The following SLC25A28 variants were observed in gnomAD, a reference collection of about 807,000 sequenced individuals.
The protein encoded by SLC25A28 is solute carrier family 25 member 28.
In SLC25A28, 10 loss-of-function variants were observed where a neutral mutation model predicts 31.9. That is an observed-to-expected ratio of 0.31 (90% CI 0.19 to 0.53). The LOEUF is 0.53. Ranked by LOEUF, SLC25A28 falls within the 20% of genes least tolerant of loss-of-function variation. The pLI, the probability that SLC25A28 is intolerant of heterozygous loss-of-function variation, is 0.95. For missense variants in SLC25A28, 256 were observed against 490.3 expected, an observed-to-expected ratio of 0.52 and a Z score of 4.51; for synonymous variants, 208 against 203.6, an observed-to-expected ratio of 1.02 and a Z score of -0.19.
At chr10:99,639,722 TACACAC>T in the SLC25A28 span, among the ~76,000 whole-genome samples, 52 of 131,128 alleles carry the variant, frequency 4.0e-4, no homozygotes, top group African/African-American at 1.2e-3. Context: ...GCACCATGGG[TACACAC>T]ACACACACAC....
chr10:99,627,250 A>T, the SLC25A28 span, among the ~76,000 whole-genome samples: 93 of 151,296 alleles, frequency 6.1e-4, no homozygotes, highest in South Asian at 1.5e-3. Context: ...AAATAAAAAT[A>T]AAAAAAAAGT....
intron 1 of SLC25A28, chr10:99,618,166 C>A (rs907489075): frequency 7.0e-6 from 5 of 717,276 alleles, no homozygotes; most frequent in African/African-American, 3.9e-5. Context: ...AGGACATGCA[C>A]CCAAATATTC....
chr10:99,629,573 A>G, the SLC25A28 span, among the ~76,000 whole-genome samples: 7 of 152,256 alleles, frequency 4.6e-5, no homozygotes, highest in African/African-American at 1.7e-4. Flanking sequence ...ACATGCAATG[A>G]ATATAATTCA....
chr10:99,631,965 C>T, the SLC25A28 span, among the ~76,000 whole-genome samples: 5 of 124,692 alleles, frequency 4.0e-5, no homozygotes, highest in East Asian at 2.4e-4. Flanking sequence ...GGCGCAATCT[C>T]GGCTCACTGC....
chr10:99,640,710 C>A, the SLC25A28 span, among the ~76,000 whole-genome samples: 2 of 150,338 alleles, frequency 1.3e-5, no homozygotes, highest in South Asian at 2.1e-4. Flanking sequence ...TGCTATCCCT[C>A]CCCGCTCCCG....
the SLC25A28 span, among the ~76,000 whole-genome samples, chr10:99,635,144 GA>G: frequency 1.3e-5 from 2 of 152,140 alleles, no homozygotes; most frequent in African/African-American, 4.8e-5. Context: ...CTGCTAAACA[GA>G]GTTCTAAATC....
At chr10:99,617,443 G>A (rs1270092444) in intron 1 of SLC25A28, 1 of 985,298 alleles carries the variant, frequency 1.0e-6, no homozygotes, top group African/African-American at 1.7e-5. Context: ...CATTGTGGTT[G>A]CCCTTTAGGC....
chr10:99,657,578 G>A, the SLC25A28 span, among the ~76,000 whole-genome samples: 2 of 151,990 alleles, frequency 1.3e-5, no homozygotes, highest in African/African-American at 4.8e-5. Context: ...GAGTAGTGGA[G>A]CCAAAAAAAC....
chr10:99,630,297 T>G, the SLC25A28 span, among the ~76,000 whole-genome samples: 1 of 151,918 alleles, frequency 6.6e-6, no homozygotes, highest in African/African-American at 2.4e-5. Context: ...CCCGGCAAAT[T>G]TTTTAAAAAT....
chr10:99,654,384 T>G, the SLC25A28 span, among the ~76,000 whole-genome samples: 1 of 152,184 alleles, frequency 6.6e-6, no homozygotes, highest in Non-Finnish European at 1.5e-5. Context: ...TTCTATTCTG[T>G]TATCCCCAGT....
chr10:99,656,919 A>G, the SLC25A28 span, among the ~76,000 whole-genome samples: 10 of 152,370 alleles, frequency 6.6e-5, no homozygotes, highest in Admixed American at 1.3e-4. Flanking sequence ...TGTTAACCAG[A>G]TAAGCATTGC....
the SLC25A28 span, among the ~76,000 whole-genome samples, chr10:99,631,216 T>C: frequency 1.3e-5 from 2 of 152,196 alleles, no homozygotes; most frequent in African/African-American, 4.8e-5. Context: ...GAATTCTAAG[T>C]TGAAGTTGGG....
chr10:99,641,727 T>C, the SLC25A28 span, among the ~76,000 whole-genome samples: 1 of 152,362 alleles, frequency 6.6e-6, no homozygotes, highest in East Asian at 1.9e-4. Context: ...TTAATCCATA[T>C]TGAATTAATT....
the SLC25A28 span, among the ~76,000 whole-genome samples, chr10:99,628,101 G>C: frequency 6.6e-6 from 1 of 152,186 alleles, no homozygotes; most frequent in African/African-American, 2.4e-5. Flanking sequence ...AATATTAAAG[G>C]TGAGAGAGCC....
the SLC25A28 span, among the ~76,000 whole-genome samples, chr10:99,625,762 G>A: frequency 6.6e-6 from 1 of 152,218 alleles, no homozygotes; most frequent in African/African-American, 2.4e-5. Flanking sequence ...ACCTTTAAAA[G>A]AAAAGGATAT....
the SLC25A28 span, among the ~76,000 whole-genome samples, chr10:99,648,231 C>A: frequency 6.6e-6 from 1 of 151,630 alleles, no homozygotes; most frequent in Non-Finnish European, 1.5e-5. Flanking sequence ...AACTTCTGGC[C>A]TCAAGTAATC....
At chr10:99,646,177 G>A in the SLC25A28 span, among the ~76,000 whole-genome samples, 1 of 152,226 alleles carries the variant, frequency 6.6e-6, no homozygotes, top group Non-Finnish European at 1.5e-5. Context: ...ACAGAGGCAG[G>A]AAGGCCTCCT....
rs2133334014 is a variant in SLC25A28 at position 99,611,740 on chromosome 10, AC to A, written c.578-375del. Among the ~76,000 whole-genome samples, 1 of 152,312 alleles carries A rather than the reference AC, an allele frequency of 6.6e-6. No individual in the cohort carries two copies. The highest frequency in any genetic ancestry group is 1.9e-4 in the East Asian group (1 of 5,184). ...GACTCCATGATAGTGATCATCACGA[AC>A]ACAGGCCCCTAACAATCCCAATCCT... On this transcript the variant is annotated intron_variant, in intron 3 of 3. Transcript: ENST00000370495. This position sits in a 1 kb window ranked among gnomAD's most constrained non-coding sequence, Gnocchi z 5.5.
chr10:99,651,594 C>CTTTTTT, the SLC25A28 span, among the ~76,000 whole-genome samples: 38 of 110,190 alleles, frequency 3.4e-4, 2 homozygotes, highest in African/African-American at 1.1e-3. Context: ...TTTTTCTTTT[C>CTTTTTT]TTTTTTTTTT....
Sources: allele counts gnomAD v4.1 joint callset (sites outside exome capture counted in the v4.1 genomes callset), GRCh38; gene constraint gnomAD v4.1.1; non-coding constraint Gnocchi (gnomAD v3.1); transcripts MANE v1.5; gene names NCBI Gene and HGNC (gene_info 2026-07-23, HGNC 2026-07-21).